Variants in ADGRL3 observed in about 807,000 individuals in gnomAD.
The protein encoded by ADGRL3 is calcium-independent alpha-latrotoxin receptor 3.
Under a neutral mutation model 153.5 loss-of-function variants are expected in ADGRL3, and 62 were observed. That is an observed-to-expected ratio of 0.40 (90% CI 0.33 to 0.50). The LOEUF (loss-of-function observed/expected upper bound fraction) is 0.50, where lower values mean the gene tolerates loss of function less well. Among genes scored for constraint, ADGRL3 ranks in the 20% least tolerant of loss-of-function variants. ADGRL3 has a pLI of 0.47. For synonymous variants in ADGRL3, 710 were observed against 672.5 expected (o/e 1.06, Z -0.86); for missense variants, 1,641 against 1,859.4 (o/e 0.88, Z 2.16).
At chr4:61,684,755 GCTTTTCTGTTTGTTGTA>G (rs149441201) in intron 6 of ADGRL3, among the ~76,000 whole-genome samples, 33,897 of 151,846 alleles carry the variant, frequency 0.22, 3,952 homozygotes, top group East Asian at 0.34. Flanking sequence ...TGGATTCTGT[GCTTTTCTGTTTGTTGTA>G]TTTTTCAGTA....
chr4:61,532,846 A>C (rs185484677), intron 4 of ADGRL3, among the ~76,000 whole-genome samples: 131 of 152,182 alleles, frequency 8.6e-4, no homozygotes, highest in African/African-American at 2.9e-3. Flanking sequence ...TAAACCTGCT[A>C]TGTGTTTGGC....
chr4:62,058,401 T>C (rs1171019486), intron 25 of ADGRL3, among the ~76,000 whole-genome samples: 3 of 152,316 alleles, frequency 2.0e-5, no homozygotes, highest in Non-Finnish European at 4.4e-5. Flanking sequence ...CTACTCATAA[T>C]GGATAAAATA....
At chr4:61,976,397 A>C (rs908729209) in intron 17 of ADGRL3, among the ~76,000 whole-genome samples, 2 of 152,182 alleles carry the variant, frequency 1.3e-5, no homozygotes, top group Non-Finnish European at 2.9e-5. Flanking sequence ...TCATATTTAC[A>C]TCTGTTATTT....
intron 2 of ADGRL3, among the ~76,000 whole-genome samples, chr4:61,398,114 CAAT>C (rs1265505305): frequency 2.0e-5 from 3 of 151,818 alleles, no homozygotes; most frequent in African/African-American, 7.2e-5. Flanking sequence ...AATCATTGAA[CAAT>C]GTCTCACTGA....
chr4:61,398,960 T>C (rs1331102341), intron 2 of ADGRL3, among the ~76,000 whole-genome samples: 1 of 151,730 alleles, frequency 6.6e-6, no homozygotes, highest in Non-Finnish European at 1.5e-5. Flanking sequence ...GTGCTTTTTC[T>C]TCCATCATTC....
At chr4:62,056,589 A>T (rs900460915) in intron 25 of ADGRL3, among the ~76,000 whole-genome samples, 1 of 152,056 alleles carries the variant, frequency 6.6e-6, no homozygotes, top group African/African-American at 2.4e-5. Flanking sequence ...GCCATAGAAG[A>T]TACAACCATT....
chr4:61,446,479 A>C (rs576613613), intron 2 of ADGRL3, among the ~76,000 whole-genome samples: 49 of 152,162 alleles, frequency 3.2e-4, no homozygotes, highest in Non-Finnish European at 6.3e-4. Context: ...CTTGAGGGAG[A>C]TACATTTGTA....
chr4:61,611,056 T>C (rs2091276819), intron 5 of ADGRL3, among the ~76,000 whole-genome samples: 1 of 152,184 alleles, frequency 6.6e-6, no homozygotes, highest in South Asian at 2.1e-4. Flanking sequence ...CTCTCAGAAA[T>C]AAACCCTAAA....
intron 11 of ADGRL3, among the ~76,000 whole-genome samples, chr4:61,908,720 T>A (rs1027090934): frequency 1.3e-5 from 2 of 152,132 alleles, no homozygotes; most frequent in Non-Finnish European, 2.9e-5. Flanking sequence ...TGTGTTATAA[T>A]CCTGTTTTAG....
At chr4:61,766,855 G>A (rs1029941058) in intron 8 of ADGRL3, among the ~76,000 whole-genome samples, 9 of 151,984 alleles carry the variant, frequency 5.9e-5, no homozygotes, top group South Asian at 2.1e-4. Flanking sequence ...TTGGCACCAC[G>A]GGGTGGATAG....
chr4:61,775,785 C>T (rs776492556), intron 8 of ADGRL3: 19 of 780,418 alleles, frequency 2.4e-5, no homozygotes, highest in Non-Finnish European at 4.2e-5. Context: ...GGGCAGTCTT[C>T]AGCACCTCCT....
At chr4:62,037,194 C>T (rs916442906) in intron 23 of ADGRL3, among the ~76,000 whole-genome samples, 4 of 151,844 alleles carry the variant, frequency 2.6e-5, no homozygotes, top group Non-Finnish European at 4.4e-5. Context: ...AATGATTAGC[C>T]CAACATATTC....
chr4:61,411,043 T>C (rs186206011), intron 2 of ADGRL3, among the ~76,000 whole-genome samples: 3 of 152,310 alleles, frequency 2.0e-5, no homozygotes, highest in Admixed American at 6.5e-5. Context: ...TTCAGGGAGA[T>C]TATTGAGGTA....
intron 1 of ADGRL3, among the ~76,000 whole-genome samples, chr4:61,353,102 T>G (rs945531721): frequency 2.6e-5 from 4 of 152,208 alleles, no homozygotes; most frequent in Admixed American, 1.3e-4. Context: ...AGGAGGAGTT[T>G]GCTGTTGCTT....
chr4:62,063,436 T>A, intron 25 of ADGRL3: 1 of 610,652 alleles, frequency 1.6e-6, no homozygotes, highest in South Asian at 2.0e-5. Context: ...TTTCCTTTCT[T>A]TTTTTCAAAC....
intron 8 of ADGRL3, among the ~76,000 whole-genome samples, chr4:61,804,951 T>TTA (rs1416789643): frequency 0.022 from 3,209 of 146,560 alleles, 48 homozygotes; most frequent in Middle Eastern, 0.046. Flanking sequence ...ATTTATTTAT[T>TTA]TTTATTTATT....
intron 3 of ADGRL3, among the ~76,000 whole-genome samples, chr4:61,508,436 T>C (rs1158731139): frequency 6.6e-6 from 1 of 152,210 alleles, no homozygotes; most frequent in Non-Finnish European, 1.5e-5. Context: ...TGTAACATAG[T>C]AGCTTAGTGT....
intron 2 of ADGRL3, among the ~76,000 whole-genome samples, chr4:61,454,323 G>T (rs1228429802): frequency 6.6e-6 from 1 of 151,882 alleles, no homozygotes; most frequent in African/African-American, 2.4e-5. Flanking sequence ...TTTGATTATT[G>T]ACTTTTTTGT....
intron 4 of ADGRL3, among the ~76,000 whole-genome samples, chr4:61,571,476 G>A (rs1308162189): frequency 6.6e-6 from 1 of 151,992 alleles, no homozygotes; most frequent in Non-Finnish European, 1.5e-5. Context: ...TTGCACCATG[G>A]CACTCCAGCC....
Sources: gnomAD v4.1 joint callset for allele counts (sites outside exome capture counted in the v4.1 genomes callset) on GRCh38, gnomAD v4.1.1 for gene constraint, MANE v1.5 for transcripts, NCBI Gene and HGNC (gene_info 2026-07-23, HGNC 2026-07-21) for gene names.